MARCHF11: variants seen among roughly 807,000 people sequenced by gnomAD.
MARCHF11 encodes the protein E3 ubiquitin-protein ligase MARCHF11.
A neutral mutation model predicts 37.3 loss-of-function variants in MARCHF11; 29 were observed. That is an observed-to-expected ratio of 0.78 (90% CI 0.58 to 1.06). The LOEUF is 1.06. MARCHF11 is among the 50% of genes least tolerant of loss of function. The probability of loss-of-function intolerance (pLI) is 0.00; values close to 1 mark genes in which losing one functional copy is unlikely to be tolerated. For missense variants in MARCHF11, 482 were observed against 533.4 expected (o/e 0.90, Z 0.95); for synonymous variants, 233 against 228.0 (o/e 1.02, Z -0.20).
chr5:16,170,638 G>A (rs1560995298), intron 2 of MARCHF11, among the ~76,000 whole-genome samples: 1 of 151,972 alleles, frequency 6.6e-6, no homozygotes, highest in Non-Finnish European at 1.5e-5. Context: ...AAAACACTCA[G>A]GTATGCATCT....
chr5:16,086,255 C>T (rs1736696816), intron 3 of MARCHF11, among the ~76,000 whole-genome samples: 1 of 152,070 alleles, frequency 6.6e-6, no homozygotes, highest in African/African-American at 2.4e-5. Flanking sequence ...TTTACCTAAA[C>T]CCACGTAAAC....
chr5:16,157,007 T>C (rs1410400102), intron 2 of MARCHF11, among the ~76,000 whole-genome samples: 2 of 151,940 alleles, frequency 1.3e-5, no homozygotes, highest in Non-Finnish European at 2.9e-5. Context: ...TACAAATTAA[T>C]ATGCTCTACA....
intron 2 of MARCHF11, among the ~76,000 whole-genome samples, chr5:16,171,229 A>G (rs1271980257): frequency 6.6e-6 from 1 of 150,916 alleles, no homozygotes; most frequent in African/African-American, 2.4e-5. Flanking sequence ...AGCATTAGGT[A>G]TATCTCCCAA....
chr5:16,116,064 T>G (rs1737222236), intron 2 of MARCHF11, among the ~76,000 whole-genome samples: 2 of 152,186 alleles, frequency 1.3e-5, no homozygotes, highest in Admixed American at 1.3e-4. Flanking sequence ...ATTCTAGCCT[T>G]TGGAACATGA....
rs187876825 is a variant in MARCHF11, at chr5:16,153,698, T to C, written c.693+24028A>G. ...TTGTGGCTTAACATCTATTTATCCT[T>C]TCCTTAGTAAAAACAAACAACAAAA... is the stretch of plus-strand genomic sequence containing the variant. On this transcript the variant is annotated intron_variant, in intron 2 of 3. Transcript: ENST00000332432. 2.7e-3 allele frequency among the ~76,000 whole-genome samples: 406 copies of C among 152,092 alleles called. 8 individuals are homozygous for C. The highest frequency in any genetic ancestry group is 5.6e-4 in the Non-Finnish European group (38 of 67,918).
At position 16,091,095 on chromosome 5, in the gene MARCHF11, A is replaced by G; in HGVS notation, c.694-14T>C. The stretch of plus-strand genomic sequence containing the variant: ...AATGCTCTGCCACTAAAAGAAAAAC[A>G]GAGGCATGTAAGAAAGGAGCTGTGT... On this transcript the variant is annotated splice_polypyrimidine_tract_variant and intron_variant, in intron 2 of 3. Coordinates refer to ENST00000332432, the MANE Select transcript of MARCHF11 (RefSeq NM_001102562.3). 6.4e-7 allele frequency: 1 copy of G among 1,557,282 alleles called. No individual in the cohort carries two copies. The highest frequency in any genetic ancestry group is 8.7e-7 in the Non-Finnish European group (1 of 1,152,412).
chr5:16,083,105 G>A (rs984787486), intron 3 of MARCHF11, among the ~76,000 whole-genome samples: 12 of 152,218 alleles, frequency 7.9e-5, no homozygotes, highest in Non-Finnish European at 1.5e-4. Context: ...GATGAAAATT[G>A]ATGACACTTT....
intron 2 of MARCHF11, among the ~76,000 whole-genome samples, chr5:16,105,462 C>A (rs1402978256): frequency 6.6e-6 from 1 of 152,186 alleles, no homozygotes; most frequent in African/African-American, 2.4e-5. Flanking sequence ...AAAGAACAAG[C>A]TTTTCCTCAC....
intron 2 of MARCHF11, among the ~76,000 whole-genome samples, chr5:16,169,849 AT>A (rs1475502844): frequency 6.6e-6 from 1 of 152,088 alleles, no homozygotes; most frequent in Non-Finnish European, 1.5e-5. Context: ...AAGTACTCTC[AT>A]TTTGCCCTCA....
intron 2 of MARCHF11, among the ~76,000 whole-genome samples, chr5:16,113,533 A>T (rs1737182480): frequency 6.6e-6 from 1 of 152,312 alleles, no homozygotes; most frequent in Non-Finnish European, 1.5e-5. Context: ...CATGGCAAAA[A>T]CCACAATGAC....
intron 2 of MARCHF11, among the ~76,000 whole-genome samples, chr5:16,101,072 G>GA (rs79164619): frequency 0.027 from 3,860 of 142,668 alleles, 149 homozygotes; most frequent in African/African-American, 0.09. Flanking sequence ...TATCTCACAG[G>GA]AAAAAAAAAA....
At chr5:16,138,125 T>C (rs6878743) in intron 2 of MARCHF11, among the ~76,000 whole-genome samples, 3,807 of 152,102 alleles carry the variant, frequency 0.025, 177 homozygotes, top group African/African-American at 0.087. Flanking sequence ...GCCAAGACAA[T>C]GGGGAAAATG....
At chr5:16,073,221 G>T (rs7731039) in intron 3 of MARCHF11, among the ~76,000 whole-genome samples, 3,896 of 152,208 alleles carry the variant, frequency 0.026, 157 homozygotes, top group African/African-American at 0.089. Flanking sequence ...CTTAATTTCT[G>T]CTGCTACTTG....
At chr5:16,157,363 A>G (rs975126881) in intron 2 of MARCHF11, among the ~76,000 whole-genome samples, 1 of 151,996 alleles carries the variant, frequency 6.6e-6, no homozygotes, top group Non-Finnish European at 1.5e-5. Flanking sequence ...GTATGGAACC[A>G]TCAAAGACCC....
intron 3 of MARCHF11, among the ~76,000 whole-genome samples, chr5:16,079,314 A>G (rs868188599): frequency 6.6e-6 from 1 of 152,138 alleles, no homozygotes; most frequent in South Asian, 2.1e-4. Context: ...TCCACCTCCT[A>G]AAGACTTTGA....
chr5:16,135,263 GGATAAA>G (rs1737588856), intron 2 of MARCHF11, among the ~76,000 whole-genome samples: 1 of 152,104 alleles, frequency 6.6e-6, no homozygotes, highest in Non-Finnish European at 1.5e-5. Context: ...CATTTACAGA[GGATAAA>G]CCAATTACAC....
chr5:16,081,728 T>C (rs548255282), intron 3 of MARCHF11, among the ~76,000 whole-genome samples: 2 of 152,178 alleles, frequency 1.3e-5, no homozygotes, highest in African/African-American at 4.8e-5. Flanking sequence ...AACTCAACAA[T>C]AACATATTTG....
intron 2 of MARCHF11, among the ~76,000 whole-genome samples, chr5:16,130,530 T>C (rs1560983928): frequency 6.6e-6 from 1 of 152,162 alleles, no homozygotes; most frequent in Non-Finnish European, 1.5e-5. Flanking sequence ...TGCTACTAAA[T>C]AGAGAGGATA....
intron 3 of MARCHF11, among the ~76,000 whole-genome samples, chr5:16,073,187 A>G (rs1736465915): frequency 6.6e-6 from 1 of 152,168 alleles, no homozygotes; most frequent in Admixed American, 6.5e-5. Context: ...AGTCCATCTA[A>G]TAAACTGGTG....
Sources: gnomAD v4.1 joint callset for allele counts (sites outside exome capture counted in the v4.1 genomes callset) on GRCh38, gnomAD v4.1.1 for gene constraint, MANE v1.5 for transcripts, NCBI Gene and HGNC (gene_info 2026-07-23, HGNC 2026-07-21) for gene names.